The following PCDHA1 variants were observed in gnomAD, a reference collection of about 807,000 sequenced individuals.
PCDHA1 encodes the protein protocadherin alpha-1.
PCDHA1 carries 42 observed loss-of-function variants against 61.3 expected under a neutral mutation model. The observed-to-expected ratio is 0.69, with a 90% confidence interval of 0.54 to 0.89. The LOEUF is 0.89. Ranked by LOEUF, PCDHA1 falls within the 40% of genes least tolerant of loss-of-function variation. PCDHA1 has a pLI of 0.00. For missense variants in PCDHA1, 1,256 were observed against 1,235.3 expected (o/e 1.02, Z -0.25); for synonymous variants, 610 against 553.8 (o/e 1.10, Z -1.43).
At chr5:140,994,188 G>T (rs1156320589) in intron 3 of PCDHA1, among the ~76,000 whole-genome samples, 1 of 152,080 alleles carries the variant, frequency 6.6e-6, no homozygotes, top group Non-Finnish European at 1.5e-5. Flanking sequence ...AAACCACCAG[G>T]GCCTGTTGGT....
At chr5:140,824,122 G>A (rs1768005836) in intron 1 of PCDHA1, 2 of 1,613,834 alleles carry the variant, frequency 1.2e-6, no homozygotes, top group Admixed American at 1.7e-5. Flanking sequence ...CACCTCTACA[G>A]ACAACGTGAG....
At chr5:140,966,737 G>A (rs1466161811) in intron 1 of PCDHA1, 4 of 1,420,882 alleles carry the variant, frequency 2.8e-6, no homozygotes, top group Non-Finnish European at 3.7e-6. Flanking sequence ...CTCCGGCCCT[G>A]CCCGGCTGCC....
chr5:140,871,278 G>T (rs782014542), intron 1 of PCDHA1: 3 of 1,613,918 alleles, frequency 1.9e-6, no homozygotes, highest in East Asian at 4.5e-5. Flanking sequence ...GGTCGGCAAC[G>T]CCCACTGAGG....
intron 1 of PCDHA1, chr5:140,802,799 G>A (rs1203232637): frequency 4.3e-6 from 7 of 1,613,410 alleles, no homozygotes; most frequent in South Asian, 2.2e-5. Flanking sequence ...TGCAGTTCCA[G>A]GTGAGTGCGC....
chr5:140,948,240 T>C (rs1554218495), intron 1 of PCDHA1, among the ~76,000 whole-genome samples: 1 of 151,684 alleles, frequency 6.6e-6, no homozygotes, highest in East Asian at 1.9e-4. Flanking sequence ...TGTATTTTAG[T>C]AAATATTTTT....
At chr5:140,821,026 A>C (rs2150108488) in intron 1 of PCDHA1, among the ~76,000 whole-genome samples, 88,279 of 151,604 alleles carry the variant, frequency 0.58, 26,451 homozygotes, top group African/African-American at 0.72. Flanking sequence ...GAAAATTAGA[A>C]CTCCGAGAAG....
intron 1 of PCDHA1, among the ~76,000 whole-genome samples, chr5:140,952,912 C>A (rs1554220675): frequency 6.6e-6 from 1 of 152,042 alleles, no homozygotes; most frequent in East Asian, 1.9e-4. Flanking sequence ...GCTCATCTTA[C>A]ATGGCATGAG....
At chr5:140,948,866 G>A (rs552659179) in intron 1 of PCDHA1, among the ~76,000 whole-genome samples, 32 of 151,022 alleles carry the variant, frequency 2.1e-4, no homozygotes, top group Non-Finnish European at 2.5e-4. Context: ...ATATTACTTC[G>A]GGTTTACTTT....
chr5:140,897,409 A>G (rs945260120), intron 1 of PCDHA1, among the ~76,000 whole-genome samples: 16 of 140,532 alleles, frequency 1.1e-4, no homozygotes, highest in Non-Finnish European at 1.7e-4. Flanking sequence ...TCATTGTTCA[A>G]TTCCCATCTA....
At chr5:140,914,481 G>A (rs549926889) in intron 1 of PCDHA1, among the ~76,000 whole-genome samples, 3 of 152,120 alleles carry the variant, frequency 2.0e-5, no homozygotes, top group Non-Finnish European at 4.4e-5. Context: ...TAGGTGAAGT[G>A]TTTCTTGTGG....
At chr5:140,909,854 C>T (rs756812618) in intron 1 of PCDHA1, among the ~76,000 whole-genome samples, 8 of 152,186 alleles carry the variant, frequency 5.3e-5, no homozygotes, top group Non-Finnish European at 1.2e-4. Flanking sequence ...CGTTTTCGGT[C>T]CCCTGGAGTC....
rs34755515 is a variant in PCDHA1 at position 141,000,421 on chromosome 5, A to ATTT, written c.2543-9185_2543-9183dup. 5.4e-3 allele frequency among the ~76,000 whole-genome samples: 150 copies of ATTT among 27,982 alleles called. 11 individuals are homozygous for ATTT. Among genetic ancestry groups the ATTT allele is most frequent in the Non-Finnish European group, 6.0e-3 (106 of 17,660 alleles). The allele number at this position is 27,982 out of a possible 152,430, so 18.4% of individuals were successfully genotyped here. On this transcript the variant is annotated intron_variant, in intron 3 of 3. Coordinates refer to ENST00000504120, the MANE Select transcript of PCDHA1 (RefSeq NM_018900.4). ...TATATATATATATATATATATATAT[A>ATTT]TTTTTTTTTTTTTTTTTTTTTTTGA...
chr5:140,902,526 T>C (rs1388582391), intron 1 of PCDHA1, among the ~76,000 whole-genome samples: 1 of 152,140 alleles, frequency 6.6e-6, no homozygotes, highest in African/African-American at 2.4e-5. Flanking sequence ...GTTTTTATTA[T>C]GTTGAGGTAT....
intron 1 of PCDHA1, chr5:140,823,149 G>A: frequency 1.2e-6 from 2 of 1,613,920 alleles, no homozygotes; most frequent in Non-Finnish European, 1.7e-6. Context: ...CGCAGCCCCA[G>A]TATACCGTGT....
rs997332881 is a variant in PCDHA1 at position 140,887,348 on chromosome 5, G to A, written c.2395-91601G>A. On this transcript the variant is annotated intron_variant, in intron 1 of 3. Transcript: ENST00000504120. ...CCTGACCTCGTGATCCACCTGGCTCGGCCTCCCAAAGTGCTGGGATTACAG... is the reference window on the plus strand; with the variant it reads ...CCTGACCTCGTGATCCACCTGGCTCAGCCTCCCAAAGTGCTGGGATTACAG... Among the ~76,000 whole-genome samples, 8 of 151,974 alleles carry A rather than the reference G, an allele frequency of 5.3e-5. 1 individual carries two copies. The highest frequency in any genetic ancestry group is 8.8e-5 in the Non-Finnish European group (6 of 67,980).
intron 3 of PCDHA1, among the ~76,000 whole-genome samples, chr5:140,997,668 T>TTGTGTGTGTGTGTG (rs35184029): frequency 1.7e-4 from 25 of 148,344 alleles, no homozygotes; most frequent in African/African-American, 6.2e-4. Flanking sequence ...ATTATACAGC[T>TTGTGTGTGTGTGTG]TGTGTGTGTG....
intron 1 of PCDHA1, among the ~76,000 whole-genome samples, chr5:140,891,720 T>C (rs1159192046): frequency 2.0e-5 from 3 of 152,170 alleles, no homozygotes; most frequent in African/African-American, 4.8e-5. Context: ...CCCAAATTCA[T>C]GTGTTGAAAA....
chr5:140,832,345 G>A (rs2150201218), intron 1 of PCDHA1, among the ~76,000 whole-genome samples: 8 of 152,168 alleles, frequency 5.3e-5, no homozygotes, highest in Non-Finnish European at 1.2e-4. Context: ...GTTGTGGTTT[G>A]TGTTTCCTAA....
rs1554117753 is a variant in PCDHA1 at position 140,787,289 on chromosome 5, C to A, written c.999C>A (p.His333Gln). The change falls in exon 1 of 4, where the codon CAC (histidine) becomes CAA (glutamine). Residue 333 changes from histidine to glutamine, a missense_variant. By Grantham distance (24) the His-to-Gln change is conservative. Transcript: ENST00000504120. ...VDKGSPPMSN[H>Q]CKVLVKVLDV... ...AAGGAAGTCCTCCGATGTCAAATCACTGTAAGGTTTTGGTGAAAGTGCTGG... is the reference window on the plus strand; with the variant it reads ...AAGGAAGTCCTCCGATGTCAAATCAATGTAAGGTTTTGGTGAAAGTGCTGG... The A allele has an allele frequency of 2.5e-6, 4 of 1,614,084 alleles. No homozygotes were observed. Among genetic ancestry groups the A allele is most frequent in the Non-Finnish European group, 3.4e-6 (4 of 1,180,050 alleles).
Sources: allele counts gnomAD v4.1 joint callset (sites outside exome capture counted in the v4.1 genomes callset), GRCh38; gene constraint gnomAD v4.1.1; transcripts MANE v1.5; gene names NCBI Gene and HGNC (gene_info 2026-07-23, HGNC 2026-07-21).